PCDH15: variants seen among roughly 807,000 people sequenced by gnomAD.
PCDH15 encodes the protein protocadherin-15.
In PCDH15, 129 loss-of-function variants were observed where a neutral mutation model predicts 178.5. That is an observed-to-expected ratio of 0.72 (90% CI 0.63 to 0.84). The LOEUF is 0.84. Ranked by LOEUF, PCDH15 falls within the 40% of genes least tolerant of loss-of-function variation. The pLI, the probability that PCDH15 is intolerant of heterozygous loss-of-function variation, is 0.00. For synonymous variants in PCDH15, 800 were observed against 732.0 expected (o/e 1.09, Z -1.50); for missense variants, 2,230 against 2,099.9 (o/e 1.06, Z -1.21).
Position 55,369,589 on chromosome 10 carries a change from A to G in PCDH15, c.-155-202938T>C, listed in dbSNP as rs114585916. Among the ~76,000 whole-genome samples, 978 of 152,216 alleles carry G rather than the reference A, an allele frequency of 6.4e-3. 12 individuals are homozygous for G. The highest frequency in any genetic ancestry group is 0.022 in the African/African-American group (934 of 41,586). On this transcript the variant is annotated intron_variant, in intron 2 of 5. Transcript: ENST00000613346. ...AATACATTAACTAAAAATATAATCT[A>G]AAATGCAACAGAATATCCTATAATT...
At chr10:54,423,860 A>T (rs1955872557) in intron 3 of PCDH15, among the ~76,000 whole-genome samples, 1 of 151,962 alleles carries the variant, frequency 6.6e-6, no homozygotes, top group Admixed American at 6.6e-5. Flanking sequence ...TACAAAAATT[A>T]ATTCAAGATG....
intron 21 of PCDH15, among the ~76,000 whole-genome samples, chr10:53,972,682 T>A (rs1367876214): frequency 6.6e-6 from 1 of 151,934 alleles, no homozygotes; most frequent in Non-Finnish European, 1.5e-5. Context: ...AACAGACACA[T>A]GAAAAAAATG....
rs181755826 is a variant in PCDH15 at position 54,424,144 on chromosome 10, G to A, written c.158-45202C>T. ...CAAAGGGCTAATATCCAGAATCTAC[G>A]AAGAACTCAAACAAATTTACAAGAA... On this transcript the variant is annotated intron_variant, in intron 3 of 37. Coordinates refer to ENST00000644397, the MANE Select transcript of PCDH15 (RefSeq NM_001384140.1). 2.0e-4 allele frequency among the ~76,000 whole-genome samples: 31 copies of A among 151,798 alleles called. 1 individual carries two copies. The highest frequency in any genetic ancestry group is 3.9e-4 in the Admixed American group (6 of 15,262).
chr10:54,884,165 T>C (rs538054222), intron 3 of PCDH15, among the ~76,000 whole-genome samples: 1 of 152,050 alleles, frequency 6.6e-6, no homozygotes, highest in South Asian at 2.1e-4. Context: ...GGAAAGGGTG[T>C]TCCAGTACCC....
chr10:54,450,358 G>A (rs2076401539), intron 3 of PCDH15, among the ~76,000 whole-genome samples: 1 of 151,182 alleles, frequency 6.6e-6, no homozygotes, highest in Non-Finnish European at 1.5e-5. Context: ...ATGGAATCAG[G>A]ACATGGTTTC....
chr10:55,079,865 A>C (rs1341977271), intron 2 of PCDH15, among the ~76,000 whole-genome samples: 1 of 152,076 alleles, frequency 6.6e-6, no homozygotes, highest in Non-Finnish European at 1.5e-5. Context: ...GGTCTTCAGA[A>C]GGTTTGCTCA....
intron 2 of PCDH15, among the ~76,000 whole-genome samples, chr10:55,604,432 C>T (rs565976498): frequency 1.3e-4 from 20 of 152,080 alleles, no homozygotes; most frequent in Non-Finnish European, 2.2e-4. Context: ...CCCATATCAA[C>T]GGAATATACA....
chr10:55,099,904 CAG>C (rs1272719136), intron 2 of PCDH15, among the ~76,000 whole-genome samples: 6 of 151,926 alleles, frequency 3.9e-5, no homozygotes, highest in African/African-American at 1.4e-4. Flanking sequence ...ATAAAACAAA[CAG>C]AAGAGATAAT....
intron 1 of PCDH15, among the ~76,000 whole-genome samples, chr10:55,258,175 T>G (rs1842051562): frequency 6.6e-6 from 1 of 152,166 alleles, no homozygotes; most frequent in African/African-American, 2.4e-5. Flanking sequence ...CTTTTAGAAA[T>G]AATAGGGACA....
chr10:54,248,891 T>C (rs948251785), intron 8 of PCDH15, among the ~76,000 whole-genome samples: 4 of 152,016 alleles, frequency 2.6e-5, no homozygotes, highest in African/African-American at 9.7e-5. Context: ...GAAAATCATC[T>C]AGAGACATTT....
At chr10:54,049,371 C>A (rs1202506852) in intron 18 of PCDH15, among the ~76,000 whole-genome samples, 3 of 151,998 alleles carry the variant, frequency 2.0e-5, no homozygotes, top group African/African-American at 7.3e-5. Flanking sequence ...TCTTTCTTTG[C>A]CTGATTTCTC....
At chr10:55,385,422 A>G (rs573512601) in intron 2 of PCDH15, among the ~76,000 whole-genome samples, 3 of 152,030 alleles carry the variant, frequency 2.0e-5, no homozygotes, top group Admixed American at 6.6e-5. Flanking sequence ...ATCAGCTACC[A>G]TCTAACTGCC....
At chr10:54,948,271 T>C (rs113345054) in intron 2 of PCDH15, among the ~76,000 whole-genome samples, 1 of 151,932 alleles carries the variant, frequency 6.6e-6, no homozygotes, top group African/African-American at 2.4e-5. Flanking sequence ...TCTGTTTGAG[T>C]GCAAGGGCTG....
At chr10:54,882,179 T>A (rs1261729257) in intron 3 of PCDH15, among the ~76,000 whole-genome samples, 4 of 152,092 alleles carry the variant, frequency 2.6e-5, no homozygotes, top group Non-Finnish European at 5.9e-5. Context: ...TTATTAGTAA[T>A]ATATTTAAGA....
intron 2 of PCDH15, among the ~76,000 whole-genome samples, chr10:55,104,304 C>A (rs1327295331): frequency 6.6e-6 from 1 of 151,940 alleles, no homozygotes; most frequent in East Asian, 1.9e-4. Context: ...TTGTCTGCTG[C>A]GTCTTGATCG....
At chr10:55,138,039 T>C (rs1838250077) in intron 2 of PCDH15, among the ~76,000 whole-genome samples, 3 of 152,142 alleles carry the variant, frequency 2.0e-5, no homozygotes, top group African/African-American at 7.2e-5. Flanking sequence ...TAGATGCAGG[T>C]AAGTTTTGCT....
chr10:55,419,690 T>C (rs1838572214), intron 2 of PCDH15, among the ~76,000 whole-genome samples: 1 of 146,486 alleles, frequency 6.8e-6, no homozygotes, highest in Non-Finnish European at 1.5e-5. Flanking sequence ...GATTTTTTTC[T>C]AGAACTATCT....
intron 2 of PCDH15, among the ~76,000 whole-genome samples, chr10:55,528,954 T>G (rs11004898): frequency 0.32 from 49,252 of 151,848 alleles, 8,486 homozygotes; most frequent in East Asian, 0.5. Flanking sequence ...TTGTGGTTTT[T>G]ATTTGCATTT....
At chr10:55,221,177 C>A (rs2132184060) in intron 1 of PCDH15, among the ~76,000 whole-genome samples, 1 of 152,078 alleles carries the variant, frequency 6.6e-6, no homozygotes, top group Non-Finnish European at 1.5e-5. Flanking sequence ...ATACATTGCA[C>A]AATACATAGT....
Sources: allele counts gnomAD v4.1 joint callset (sites outside exome capture counted in the v4.1 genomes callset), GRCh38; gene constraint gnomAD v4.1.1; transcripts MANE v1.5; gene names NCBI Gene and HGNC (gene_info 2026-07-23, HGNC 2026-07-21).